Variants in SIGLEC12 observed in about 807,000 individuals in gnomAD.
SIGLEC12 encodes the protein sialic acid-binding Ig-like lectin 12.
A neutral mutation model predicts 54.1 loss-of-function variants in SIGLEC12; 43 were observed. The ratio of observed to expected loss-of-function variants is 0.80; its 90% confidence interval spans 0.62 to 1.03. The LOEUF (loss-of-function observed/expected upper bound fraction) is 1.03. SIGLEC12 is among the 50% of genes least tolerant of loss of function. The pLI, the probability that SIGLEC12 is intolerant of heterozygous loss-of-function variation, is 0.00. For synonymous variants in SIGLEC12, 357 were observed against 307.6 expected (o/e 1.16, Z -1.68); for missense variants, 802 against 735.2 (o/e 1.09, Z -1.05).
At chr19:51,491,990 T>C (rs763771675) in intron 7 of SIGLEC12, among the ~76,000 whole-genome samples, 161 bp from the exon 8 acceptor site, 110 of 152,238 alleles carry the variant, frequency 7.2e-4, no homozygotes, top group Non-Finnish European at 1.0e-3. Context: ...TACTCAATTA[T>C]CACCTTATGT....
At position 51,499,932 on chromosome 19, in the gene SIGLEC12, CAG is replaced by C. The variant is rs776555612; in HGVS notation, c.794_795del (p.Ser265CysfsTer35). On this transcript the variant is annotated frameshift_variant, in exon 2 of 8. Transcript: ENST00000291707. LOFTEE classifies it high-confidence loss of function. ...GCCAGAGATTTACCTGTCACATGCA[CAG>C]AGAGCTTGTCATATATGTAGTTCCA... Reference protein sequence around the residue: ...RKWNYIYDKLSVHVTALTHMP... With the variant: ...RKWNYIYDKLXVHVTALTHMP... 1.2e-6 allele frequency: 2 copies of C among 1,610,670 alleles called. No individual in the cohort carries two copies. The highest frequency in any genetic ancestry group is 2.2e-5 in the South Asian group (2 of 90,516).
In SIGLEC12 at chr19:51,496,864, T is replaced by A. The variant is rs374456883; in HGVS notation, c.1599+16A>T. On this transcript the variant is annotated intron_variant, in intron 7 of 7. Coordinates refer to ENST00000291707, the MANE Select transcript of SIGLEC12 (RefSeq NM_053003.4). ...AGAAAGCAGGGGAGAAGGGCTGTGATTCAATGCTCACTCACCTGAGAGGCT... is the reference window on the plus strand; with the variant it reads ...AGAAAGCAGGGGAGAAGGGCTGTGAATCAATGCTCACTCACCTGAGAGGCT... 1.9e-6 allele frequency: 3 copies of A among 1,607,900 alleles called. No individual in the cohort carries two copies. Among genetic ancestry groups the A allele is most frequent in the Non-Finnish European group, 1.7e-6 (2 of 1,174,172 alleles).
At chr19:51,501,150 A>C (rs1990382378) in intron 1 of SIGLEC12, among the ~76,000 whole-genome samples, 157 bp downstream of exon 1, 1 of 152,050 alleles carries the variant, frequency 6.6e-6, no homozygotes. Flanking sequence ...CAGGAGGGGC[A>C]TCCAAGGTGC....
At chr19:51,491,855 A>C (rs1990111502) in intron 7 of SIGLEC12, 26 bp from the exon 8 acceptor site, 6 of 1,509,152 alleles carry the variant, frequency 4.0e-6, no homozygotes, top group Non-Finnish European at 5.3e-6. Context: ...GAAGGGAGTC[A>C]GTGCAGAGCA....
intron 4 of SIGLEC12, 71 bp from the exon 5 acceptor site, chr19:51,498,358 G>A: frequency 7.3e-7 from 1 of 1,372,102 alleles, no homozygotes; most frequent in Non-Finnish European, 9.9e-7. Context: ...TACAGAAAGA[G>A]AGTGGTGAAT....
Position 51,495,313 on chromosome 19 carries a change from GTGGATGGA to G in SIGLEC12, c.1599+1559_1599+1566del, listed in dbSNP as rs61412717. ...GATGGATGGACGGACGGACGGGTGG[GTGGATGGA>G]TGGATGGATGGATGGATGGATGGAT... is the stretch of plus-strand genomic sequence containing the variant. On this transcript the variant is annotated intron_variant, in intron 7 of 7. Coordinates refer to ENST00000291707, the MANE Select transcript of SIGLEC12 (RefSeq NM_053003.4). Among the ~76,000 whole-genome samples, 192 of 60,280 alleles carry G rather than the reference GTGGATGGA, an allele frequency of 3.2e-3. 1 individual carries two copies. The highest frequency in any genetic ancestry group is 4.9e-3 in the East Asian group (9 of 1,842). 39.5% of individuals were successfully genotyped at this position (60,280 alleles called of 152,430 possible).
chr19:51,491,889 G>T, intron 7 of SIGLEC12, 60 bp from the exon 8 acceptor site: 2 of 1,398,550 alleles, frequency 1.4e-6, no homozygotes, highest in South Asian at 1.4e-5. Context: ...GCACCAGAGA[G>T]CATCCAGGAA....
Position 51,500,298 on chromosome 19 carries a change from A to G in SIGLEC12, c.430T>C (p.Ser144Pro). 6.2e-7 allele frequency: 1 copy of G among 1,614,142 alleles called. No individual in the cohort carries two copies. Among genetic ancestry groups the G allele is most frequent in the Non-Finnish European group, 8.5e-7 (1 of 1,180,026 alleles). The change falls in exon 2 of 8, where the codon TCC (serine) becomes CCC (proline). Residue 144 changes from serine to proline, a missense_variant and splice_region_variant. Physicochemically the swap from Ser to Pro is moderately conservative, Grantham distance 74. Transcript: ENST00000291707. The stretch of plus-strand genomic sequence containing the variant: ...CTGTATCTTGACAGTAGGTCCTGGG[A>G]CGCTGTGGAGAAACGAGGGTCAGCC... ...YDQLSVNVTA[S>P]QDLLSRYRLE...
chr19:51,499,382 C>A, intron 3 of SIGLEC12, 56 bp downstream of exon 3: 4 of 1,544,890 alleles, frequency 2.6e-6, no homozygotes, highest in Non-Finnish European at 3.5e-6. Flanking sequence ...GTCCCACATC[C>A]AACTGGCCTC....
Position 51,494,027 on chromosome 19 carries a change from G to A in SIGLEC12, c.1600-2198C>T, listed in dbSNP as rs188402841. ...CTTCCCTCTGTCTAATCACACAGAC[G>A]TCCTTGTGGATCCTCTCACTGGTCC... On this transcript the variant is annotated intron_variant, in intron 7 of 7. Coordinates refer to ENST00000291707, the MANE Select transcript of SIGLEC12 (RefSeq NM_053003.4). Among the ~76,000 whole-genome samples, 28 of 152,198 alleles carry A rather than the reference G, an allele frequency of 1.8e-4. No individual in the cohort carries two copies. In the East Asian group the frequency reaches 4.1e-3, roughly 22 times the overall value.
chr19:51,496,533 A>G (rs1281517887), intron 7 of SIGLEC12, among the ~76,000 whole-genome samples: 1 of 152,216 alleles, frequency 6.6e-6, no homozygotes, highest in Non-Finnish European at 1.5e-5. Flanking sequence ...ATAAACCCAG[A>G]TTAGTGACAG....
intron 1 of SIGLEC12, among the ~76,000 whole-genome samples, chr19:51,500,850 C>T (rs35889559): frequency 6.6e-6 from 1 of 151,942 alleles, no homozygotes; most frequent in Non-Finnish European, 1.5e-5. Context: ...CTGGCCTGGC[C>T]TGAGAGAGTC....
chr19:51,499,309 G>A, intron 3 of SIGLEC12, 92 bp from the exon 4 acceptor site: 1 of 1,578,828 alleles, frequency 6.3e-7, no homozygotes, highest in Non-Finnish European at 8.7e-7. Flanking sequence ...GGAAGGTGGA[G>A]CCAGCATCCT....
rs992163821 is a variant in SIGLEC12 at position 51,496,387 on chromosome 19, C to A, written c.1599+493G>T. Among the ~76,000 whole-genome samples the A allele has an allele frequency of 2.5e-3, 384 of 152,192 alleles. 3 individuals carry two copies. Among genetic ancestry groups the A allele is most frequent in the African/African-American group, 9.0e-3 (374 of 41,526 alleles). The stretch of plus-strand genomic sequence containing the variant: ...AGAGACTGAGGCAGAATTACTTGAA[C>A]CCGGGAGGTGGAGGTTGTGGTGAGC... On this transcript the variant is annotated intron_variant, in intron 7 of 7. Coordinates refer to ENST00000291707, the MANE Select transcript of SIGLEC12 (RefSeq NM_053003.4).
chr19:51,496,897 T>A lies in SIGLEC12; in HGVS notation c.1582A>T (p.Arg528Trp), dbSNP rs61743147. The A allele has an allele frequency of 0.042, 67,450 of 1,614,008 alleles. 1,660 individuals are homozygous for A. The highest frequency in any genetic ancestry group is 0.047 in the Non-Finnish European group (55,674 of 1,179,944). ...TCACTCACCTGAGAGGCTGAGCCCC[T>A]GACAGCGTTTGCGTCCTCCATGCCT... ...DTGMEDANAVRGSASQGPLIE... is the reference protein window; with the variant it reads ...DTGMEDANAVWGSASQGPLIE... Residue 528 changes from arginine (R) to tryptophan (W), a missense_variant, in exon 7 of 8, where the codon AGG (arginine) becomes TGG (tryptophan). Physicochemically the swap from Arg to Trp is moderately radical, Grantham distance 101 (BLOSUM62 -3). Coordinates refer to ENST00000291707, the MANE Select transcript of SIGLEC12 (RefSeq NM_053003.4).
Position 51,491,558 on chromosome 19 carries a change from T to C in SIGLEC12, c.*83A>G. ...TGTCCTGTTGCACAGCATGGAGGGC[T>C]GTTAATTCTAAAGGAATCAGTCTCG... On this transcript the variant is annotated 3_prime_UTR_variant, in exon 8 of 8. Transcript: ENST00000291707. 7.5e-7 allele frequency: 1 copy of C among 1,332,564 alleles called. No homozygotes were observed. 82.5% of individuals were successfully genotyped at this position (1,332,564 alleles called of 1,614,324 possible). A position where few individuals can be genotyped will look rare whatever the true frequency, so the allele number is the denominator to read the frequency against.
intron 7 of SIGLEC12, among the ~76,000 whole-genome samples, chr19:51,492,668 T>C (rs1255737726): frequency 6.6e-6 from 1 of 152,018 alleles, no homozygotes; most frequent in African/African-American, 2.4e-5. Context: ...AGGGCATAGA[T>C]AGATTGGAAG....
intron 7 of SIGLEC12, among the ~76,000 whole-genome samples, chr19:51,493,820 T>C (rs1002696192): frequency 5.9e-5 from 9 of 152,228 alleles, no homozygotes; most frequent in African/African-American, 1.7e-4. Context: ...TTCTCTGCTC[T>C]GTCTTTCCTC....
chr19:51,497,073 G>A, intron 6 of SIGLEC12, 97 bp from the exon 7 acceptor site: 1 of 1,585,524 alleles, frequency 6.3e-7, no homozygotes, highest in South Asian at 1.1e-5. Context: ...GGAGCTGGAG[G>A]GGTAACTGAG....
Sources: gnomAD v4.1 joint callset for allele counts (sites outside exome capture counted in the v4.1 genomes callset) on GRCh38, gnomAD v4.1.1 for gene constraint, MANE v1.5 for transcripts, NCBI Gene and HGNC (gene_info 2026-07-23, HGNC 2026-07-21) for gene names.